The following PNLIPRP3 variants were observed in gnomAD, a reference collection of about 807,000 sequenced individuals.
The protein encoded by PNLIPRP3 is pancreatic lipase related protein 3.
PNLIPRP3 carries 58 observed loss-of-function variants against 52.8 expected under a neutral mutation model. That is an observed-to-expected ratio of 1.10 (90% CI 0.89 to 1.37). The LOEUF is 1.37. Ranked by LOEUF, PNLIPRP3 falls within the 40% of genes most tolerant of loss-of-function variation. The pLI is 0.00. For synonymous variants in PNLIPRP3, 192 were observed against 185.0 expected (o/e 1.04, Z -0.31); for missense variants, 593 against 561.6 (o/e 1.06, Z -0.57).
chr10:116,457,979 C>T (rs1208244097), intron 5 of PNLIPRP3, among the ~76,000 whole-genome samples: 1 of 151,946 alleles, frequency 6.6e-6, no homozygotes, highest in Non-Finnish European at 1.5e-5. Flanking sequence ...CAATCATGTT[C>T]CTTGAGTAAT....
At chr10:116,462,749 T>C (rs964831695) in intron 7 of PNLIPRP3, among the ~76,000 whole-genome samples, 1 of 152,276 alleles carries the variant, frequency 6.6e-6, no homozygotes, top group South Asian at 2.1e-4. Flanking sequence ...GGACAAAATA[T>C]AGCTCAGAAG....
intron 9 of PNLIPRP3, 51 bp from the exon 10 acceptor site, chr10:116,471,717 A>G (rs749899634): frequency 2.9e-6 from 4 of 1,360,252 alleles, no homozygotes; most frequent in Non-Finnish European, 4.2e-6. Flanking sequence ...CATACTTCCC[A>G]TGTGTTTTTA....
intron 9 of PNLIPRP3, among the ~76,000 whole-genome samples, 184 bp from the exon 10 acceptor site, chr10:116,471,584 T>C (rs1360613052): frequency 6.6e-6 from 1 of 152,216 alleles, no homozygotes; most frequent in East Asian, 1.9e-4. Flanking sequence ...CCATAATGTG[T>C]ATTTTTAAAC....
chr10:116,469,800 C>T (rs983156963), intron 9 of PNLIPRP3, among the ~76,000 whole-genome samples: 8 of 152,042 alleles, frequency 5.3e-5, no homozygotes, highest in Non-Finnish European at 1.5e-5. Flanking sequence ...CCTTGTGTCC[C>T]AAGTGGAGAG....
At chr10:116,445,560 A>T (rs1051024774) in intron 4 of PNLIPRP3, among the ~76,000 whole-genome samples, 1 of 149,212 alleles carries the variant, frequency 6.7e-6, no homozygotes, top group Admixed American at 6.7e-5. Context: ...TCTCTTTATA[A>T]AAAAAAAAAG....
rs530293696 is a variant in PNLIPRP3, at chr10:116,445,721, G to A, written c.456+1208G>A. On this transcript the variant is annotated intron_variant, in intron 4 of 11. Transcript: ENST00000369230. ...GGAAAAATGTTTGTTGAATTAAAAT[G>A]TTCATTGAATTGAATAGGCAGCCTT... 5.9e-5 allele frequency among the ~76,000 whole-genome samples: 9 copies of A among 152,322 alleles called. No homozygotes were observed. The South Asian group carries it at 1.7e-3, about 28-fold the overall frequency.
chr10:116,471,471 C>T (rs1453449113), intron 9 of PNLIPRP3, among the ~76,000 whole-genome samples: 3 of 152,046 alleles, frequency 2.0e-5, no homozygotes, highest in Non-Finnish European at 4.4e-5. Flanking sequence ...CAAAAGAAGA[C>T]ACAGGACTTC....
At chr10:116,459,217 C>T (rs1316180306) in intron 5 of PNLIPRP3, among the ~76,000 whole-genome samples, 2 of 151,776 alleles carry the variant, frequency 1.3e-5, no homozygotes, top group African/African-American at 4.8e-5. Context: ...CCATTCTAGG[C>T]CCACTCTTCT....
chr10:116,434,354 A>G (rs1162148683), intron 1 of PNLIPRP3, among the ~76,000 whole-genome samples: 2 of 152,158 alleles, frequency 1.3e-5, no homozygotes, highest in Non-Finnish European at 2.9e-5. Context: ...AACATTTTTA[A>G]TGGCTGCATA....
At chr10:116,444,605 G>T in intron 4 of PNLIPRP3, 92 bp downstream of exon 4, 1 of 1,260,756 alleles carries the variant, frequency 7.9e-7, no homozygotes, top group Non-Finnish European at 1.1e-6. Context: ...TTTTTTATTA[G>T]CTTAGACAGG....
chr10:116,430,217 A>G (rs1845691408), intron 1 of PNLIPRP3, among the ~76,000 whole-genome samples: 1 of 152,192 alleles, frequency 6.6e-6, no homozygotes, highest in South Asian at 2.1e-4. Flanking sequence ...GGGAGCTTGT[A>G]AAAGGTCTCT....
chr10:116,466,121 G>T lies in PNLIPRP3; in HGVS notation c.880G>T (p.Asp294Tyr). Residue 294 changes from aspartate to tyrosine, a missense_variant, in exon 8 of 12, where the codon GAT becomes TAT. Transcript: ENST00000369230. Reference protein sequence around the residue: ...QFYAESILNPDAFIAYPCRSY... With the variant: ...QFYAESILNPYAFIAYPCRSY... The stretch of plus-strand genomic sequence containing the variant: ...TTATGCTGAAAGCATTCTTAATCCT[G>T]ATGCATTTATTGCTTATCCTTGTAG... 6.2e-7 allele frequency: 1 copy of T among 1,613,540 alleles called. No homozygotes were observed. Among genetic ancestry groups the T allele is most frequent in the Admixed American group, 1.7e-5 (1 of 60,024 alleles).
intron 1 of PNLIPRP3, among the ~76,000 whole-genome samples, chr10:116,433,261 A>C (rs1262020736): frequency 6.6e-6 from 1 of 152,078 alleles, no homozygotes; most frequent in Non-Finnish European, 1.5e-5. Context: ...AAGTAAAGTA[A>C]AACAAAAATA....
chr10:116,455,329 C>G (rs1846096303), intron 4 of PNLIPRP3, among the ~76,000 whole-genome samples: 1 of 93,174 alleles, frequency 1.1e-5, no homozygotes. Context: ...ACCTGGGATA[C>G]AGACACAGGC....
intron 4 of PNLIPRP3, among the ~76,000 whole-genome samples, chr10:116,448,314 G>A (rs564027102): frequency 1.1e-4 from 16 of 152,214 alleles, no homozygotes; most frequent in African/African-American, 2.6e-4. Context: ...TGACTTTGGC[G>A]TATATGATTG....
intron 5 of PNLIPRP3, among the ~76,000 whole-genome samples, chr10:116,460,137 G>C (rs1846171032): frequency 6.6e-6 from 1 of 152,258 alleles, no homozygotes; most frequent in East Asian, 1.9e-4. Flanking sequence ...CTCTGTGCTT[G>C]GATAACACTT....
chr10:116,471,661 A>G lies in PNLIPRP3; in HGVS notation c.1061-107A>G, dbSNP rs1374471572. 3 of 896,194 alleles carry G rather than the reference A, an allele frequency of 3.3e-6. No homozygotes were observed. The Admixed American group carries it at 5.9e-5, about 18-fold the overall frequency. 55.5% of individuals were successfully genotyped at this position (896,194 alleles called of 1,614,324 possible). On this transcript the variant is annotated intron_variant, in intron 9 of 11. Transcript: ENST00000369230. ...TGCATGAATATGTGCAGCACTGTTC[A>G]AATACAACCCTGAAAATTTTATTTC...
intron 8 of PNLIPRP3, among the ~76,000 whole-genome samples, chr10:116,466,783 A>T (rs144340705): frequency 1.1e-3 from 163 of 152,298 alleles, no homozygotes; most frequent in Non-Finnish European, 2.1e-3. Context: ...CTGTTTTATC[A>T]CGGTAGAAAA....
intron 8 of PNLIPRP3, 133 bp from the exon 9 acceptor site, chr10:116,469,052 T>A: frequency 2.3e-6 from 2 of 878,406 alleles, no homozygotes; most frequent in Non-Finnish European, 3.2e-6. Context: ...TGGTGGCCTG[T>A]TAGGCACTTT....
Sources: gnomAD v4.1 joint callset for allele counts (sites outside exome capture counted in the v4.1 genomes callset) on GRCh38, gnomAD v4.1.1 for gene constraint, MANE v1.5 for transcripts, NCBI Gene and HGNC (gene_info 2026-07-23, HGNC 2026-07-21) for gene names.